SLC39A7: variants seen among roughly 807,000 people sequenced by gnomAD.
The protein encoded by SLC39A7 is solute carrier family 39 member 7, also known as zinc transporter SLC39A7.
A neutral mutation model predicts 39.7 loss-of-function variants in SLC39A7; 25 were observed. The ratio of observed to expected loss-of-function variants is 0.63; its 90% CI spans 0.46 to 0.88. The LOEUF is 0.88. Among genes scored for constraint, SLC39A7 ranks in the 40% least tolerant of loss-of-function variants. The pLI, the probability that SLC39A7 is intolerant of heterozygous loss-of-function variation, is 0.00. For synonymous variants in SLC39A7, 181 were observed against 234.1 expected, an observed-to-expected ratio of 0.77 and a Z score of 2.07; for missense variants, 501 against 592.1, an observed-to-expected ratio of 0.85 and a Z score of 1.60.
chr6:33,204,331 A>T lies in SLC39A7; in HGVS notation c.*518A>T. 1.4e-5 allele frequency: 6 copies of T among 417,720 alleles called. No individual in the cohort carries two copies. The highest frequency in any genetic ancestry group is 2.7e-5 in the Non-Finnish European group (6 of 223,806). 25.9% of individuals were successfully genotyped at this position (417,720 alleles called of 1,614,324 possible). The stretch of plus-strand genomic sequence containing the variant: ...ATGGGGTGGGAGAGGGTTAGTTGGT[A>T]TTCTCATGGCCTGATTTTTTTTGTT... On this transcript the variant is annotated 3_prime_UTR_variant, in exon 7 of 7. Coordinates refer to ENST00000374677, the MANE Select transcript of SLC39A7 (RefSeq NM_006979.3).
chr6:33,201,690 G>C lies in SLC39A7; in HGVS notation c.411+34G>C, dbSNP rs1215647656. On this transcript the variant is annotated intron_variant, in intron 1 of 6. Coordinates refer to ENST00000374677, the MANE Select transcript of SLC39A7 (RefSeq NM_006979.3). This position sits in a 1 kb window ranked among gnomAD's most constrained non-coding sequence, Gnocchi z 5.9. ...CCAGGGGATGGGAGAGAGAAGGGCT[G>C]GTTCTGGATTGTTGGGAAACTCCAC... 2 of 1,611,208 alleles carry C rather than the reference G, an allele frequency of 1.2e-6. No homozygotes were observed. The highest frequency in any genetic ancestry group is 2.7e-5 in the African/African-American group (2 of 74,824).
chr6:33,201,197 T>G lies in SLC39A7; in HGVS notation c.-49T>G. The G allele has an allele frequency of 6.4e-7, 1 of 1,551,114 alleles. No homozygotes were observed. Among genetic ancestry groups the G allele is most frequent in the Non-Finnish European group, 8.7e-7 (1 of 1,147,078 alleles). ...GAGTAAAGCGGACCCTGTGTAGGTATAGAGTTGAGTCAAGTGGAGTCACTG... is the reference window on the plus strand; with the variant it reads ...GAGTAAAGCGGACCCTGTGTAGGTAGAGAGTTGAGTCAAGTGGAGTCACTG... On this transcript the variant is annotated 5_prime_UTR_variant, in exon 1 of 7. Coordinates refer to ENST00000374677, the MANE Select transcript of SLC39A7 (RefSeq NM_006979.3). The surrounding 1 kb of genome is among the most constrained non-coding windows in gnomAD (Gnocchi z 5.9).
At chr6:33,203,135 C>G in intron 6 of SLC39A7, 29 bp downstream of exon 6, 1 of 1,543,450 alleles carries the variant, frequency 6.5e-7, no homozygotes, top group Non-Finnish European at 8.7e-7. Flanking sequence ...ACACAGCTGC[C>G]TCAAACCCTT....
At chr6:33,202,777 G>A in intron 5 of SLC39A7, 77 bp downstream of exon 5, 1 of 1,552,746 alleles carries the variant, frequency 6.4e-7, no homozygotes, top group Non-Finnish European at 8.7e-7. Flanking sequence ...TGTGGGTAAT[G>A]GCAGGTATCT....
At position 33,202,552 on chromosome 6, in the gene SLC39A7, TC is replaced by T. The variant is rs1774683922; in HGVS notation, c.800-5del. The stretch of plus-strand genomic sequence containing the variant: ...TCTCCACTCTGACCAACTCTTTTCT[TC>T]CCTCAGAGCGTTCTACCAAGGAGAA... On this transcript the variant is annotated splice_region_variant and splice_polypyrimidine_tract_variant and intron_variant, in intron 4 of 6. Coordinates refer to ENST00000374677, the MANE Select transcript of SLC39A7 (RefSeq NM_006979.3). The T allele has an allele frequency of 1.3e-6, 2 of 1,595,708 alleles. No individual in the cohort carries two copies. The highest frequency in any genetic ancestry group is 2.2e-5 in the East Asian group (1 of 44,798).
In SLC39A7 at chr6:33,203,676, G is replaced by C. The variant is rs1774795298; in HGVS notation, c.1273G>C (p.Gly425Arg). The C allele has an allele frequency of 1.9e-6, 3 of 1,614,136 alleles. No homozygotes were observed. Among genetic ancestry groups the C allele is most frequent in the Non-Finnish European group, 2.5e-6 (3 of 1,180,052 alleles). The change falls in exon 7 of 7, where the codon GGT becomes CGT. Residue 425 changes from glycine (G) to arginine (R), a missense_variant. Transcript: ENST00000374677. The part of the protein sequence containing the change: ...GPGWVLPFTA[G>R]GFIYVATVSV... The stretch of plus-strand genomic sequence containing the variant: ...TGGCTGGGTCCTGCCATTTACTGCA[G>C]GTGGCTTTATCTACGTAGCAACAGT...
chr6:33,201,661 G>C lies in SLC39A7; in HGVS notation c.411+5G>C. On this transcript the variant is annotated splice_donor_5th_base_variant and intron_variant, in intron 1 of 6. Transcript: ENST00000374677. This position sits in a 1 kb window ranked among gnomAD's most constrained non-coding sequence, Gnocchi z 5.9. The stretch of plus-strand genomic sequence containing the variant: ...GCTGTCACTCTCTGGGCTTATGTGA[G>C]TCTCCAGGGGATGGGAGAGAGAAGG... The C allele has an allele frequency of 6.2e-7, 1 of 1,610,386 alleles. No individual in the cohort carries two copies. The highest frequency in any genetic ancestry group is 8.5e-7 in the Non-Finnish European group (1 of 1,177,386).
At position 33,201,880 on chromosome 6, in the gene SLC39A7, G is replaced by A; in HGVS notation, c.547G>A (p.Asp183Asn). The change falls in exon 2 of 7, where the codon GAT (aspartate) becomes AAT (asparagine). Residue 183 changes from aspartate (D) to asparagine (N), a missense_variant. Asp to Asn is a conservative substitution (Grantham distance 23, BLOSUM62 1). Coordinates refer to ENST00000374677, the MANE Select transcript of SLC39A7 (RefSeq NM_006979.3). This position sits in a 1 kb window ranked among gnomAD's most constrained non-coding sequence, Gnocchi z 5.9. ...TTTTGCTTCCGGTGGGCTCCTGGGA[G>A]ATGCTTTCCTGCACCTCATTCCTCA... ...LSFASGGLLG[D>N]AFLHLIPHAL... 6.2e-7 allele frequency: 1 copy of A among 1,612,908 alleles called. No homozygotes were observed. Among genetic ancestry groups the A allele is most frequent in the African/African-American group, 1.3e-5 (1 of 75,016 alleles).
chr6:33,203,497 C>T, intron 6 of SLC39A7, 44 bp from the exon 7 acceptor site: 1 of 1,608,858 alleles, frequency 6.2e-7, no homozygotes, highest in Non-Finnish European at 8.5e-7. Context: ...CACTGATAAT[C>T]TTTAGCTATT....
Position 33,203,559 on chromosome 6 carries a change from C to T in SLC39A7, c.1156C>T (p.Leu386=). The T allele has an allele frequency of 1.9e-6, 3 of 1,614,242 alleles. No individual in the cohort carries two copies. The highest frequency in any genetic ancestry group is 2.5e-6 in the Non-Finnish European group (3 of 1,180,034). Residue 386 remains leucine, a synonymous_variant, in exon 7 of 7, where the codon CTG becomes TTG. Transcript: ENST00000374677. The part of the protein sequence containing the change: ...SKKQAMRLQL[L]TAVGALAGTA... ...CCATCAGGCGATGCGTCTGCAACTA[C>T]TGACAGCAGTAGGGGCACTGGCAGG...
At position 33,202,668 on chromosome 6, in the gene SLC39A7, C is replaced by A. The variant is rs202062254; in HGVS notation, c.908C>A (p.Pro303His). The A allele has an allele frequency of 5.0e-5, 81 of 1,604,098 alleles. 1 individual carries two copies. The highest frequency in any genetic ancestry group is 5.0e-4 in the Middle Eastern group (3 of 6,034). The stretch of plus-strand genomic sequence containing the variant: ...GTACCCAAAGATGGGCCAGTGAGAC[C>A]TCAGAACGCTGAAGAAGAAAAAAGA... Reference protein sequence around the residue: ...STVPKDGPVRPQNAEEEKRGL... With the variant: ...STVPKDGPVRHQNAEEEKRGL... The change falls in exon 5 of 7, where the codon CCT becomes CAT. Residue 303 changes from proline to histidine, a missense_variant. Pro to His is a moderately conservative substitution (Grantham distance 77). Coordinates refer to ENST00000374677, the MANE Select transcript of SLC39A7 (RefSeq NM_006979.3).
Position 33,204,069 on chromosome 6 carries a change from G to A in SLC39A7, c.*256G>A. 1 of 589,332 alleles carries A rather than the reference G, an allele frequency of 1.7e-6. No homozygotes were observed. Among genetic ancestry groups the A allele is most frequent in the Non-Finnish European group, 3.0e-6 (1 of 330,954 alleles). 36.5% of individuals were successfully genotyped at this position (589,332 alleles called of 1,614,324 possible). On this transcript the variant is annotated 3_prime_UTR_variant, in exon 7 of 7. Transcript: ENST00000374677. Reference sequence around the variant, plus strand: ...CATTTGGAAGGCTAAATGGGGCCATGAAGAAGGCTGGAAGGGACAGGGGGT... The same window carrying A: ...CATTTGGAAGGCTAAATGGGGCCATAAAGAAGGCTGGAAGGGACAGGGGGT...
intron 6 of SLC39A7, 45 bp downstream of exon 6, chr6:33,203,151 C>G (rs761705677): frequency 4.7e-6 from 7 of 1,484,490 alleles, no homozygotes; most frequent in South Asian, 3.9e-5. Context: ...CCCTTTATCT[C>G]TCCTCACTCA....
rs190778993 is a variant in SLC39A7, at chr6:33,203,404, T to G, written c.1138-137T>G. 6.6e-4 allele frequency: 602 copies of G among 909,730 alleles called. 5 individuals carry two copies. The African/African-American group carries it at 9.5e-3, about 14-fold the overall frequency. The allele number at this position is 909,730 out of a possible 1,614,324, so 56.4% of individuals were successfully genotyped here. On this transcript the variant is annotated intron_variant, in intron 6 of 6. Transcript: ENST00000374677. Reference sequence around the variant, plus strand: ...TTTTCAGAAATTGTCTATTCTAGACTGCTCCCTCTTCTCTTTTTATTTTGA... The same window carrying G: ...TTTTCAGAAATTGTCTATTCTAGACGGCTCCCTCTTCTCTTTTTATTTTGA...
chr6:33,202,796 C>G, intron 5 of SLC39A7, 96 bp downstream of exon 5: 2 of 1,551,234 alleles, frequency 1.3e-6, no homozygotes, highest in Middle Eastern at 1.7e-4. Flanking sequence ...CTGAGAAACA[C>G]TAAAGGACTG....
chr6:33,202,537 G>T (rs1583435870), intron 4 of SLC39A7, 23 bp from the exon 5 acceptor site: 1 of 1,593,646 alleles, frequency 6.3e-7, no homozygotes, highest in African/African-American at 1.4e-5. Flanking sequence ...TCTCCACTCT[G>T]ACCAACTCTT....
At position 33,203,680 on chromosome 6, in the gene SLC39A7, G is replaced by A. The variant is rs758481873; in HGVS notation, c.1277G>A (p.Gly426Asp). Residue 426 changes from glycine to aspartate, a missense_variant, in exon 7 of 7, where the codon GGC becomes GAC. Physicochemically the swap from Gly to Asp is moderately conservative, Grantham distance 94. Coordinates refer to ENST00000374677, the MANE Select transcript of SLC39A7 (RefSeq NM_006979.3). ...TGGGTCCTGCCATTTACTGCAGGTG[G>A]CTTTATCTACGTAGCAACAGTGTCT... is the stretch of plus-strand genomic sequence containing the variant. ...PGWVLPFTAG[G>D]FIYVATVSVL... 3 of 1,614,120 alleles carry A rather than the reference G, an allele frequency of 1.9e-6. No homozygotes were observed. Among genetic ancestry groups the A allele is most frequent in the Non-Finnish European group, 2.5e-6 (3 of 1,180,052 alleles).
intron 6 of SLC39A7, 89 bp from the exon 7 acceptor site, chr6:33,203,451 TC>T: frequency 7.7e-7 from 1 of 1,303,548 alleles, no homozygotes; most frequent in South Asian, 1.3e-5. Flanking sequence ...CAAATCCATG[TC>T]CCCTATACCT....
At position 33,204,343 on chromosome 6, in the gene SLC39A7, T is replaced by A; in HGVS notation, c.*530T>A. The stretch of plus-strand genomic sequence containing the variant: ...AGGGTTAGTTGGTATTCTCATGGCC[T>A]GATTTTTTTTGTTTCTATTCCTTTT... On this transcript the variant is annotated 3_prime_UTR_variant, in exon 7 of 7. Coordinates refer to ENST00000374677, the MANE Select transcript of SLC39A7 (RefSeq NM_006979.3). The A allele has an allele frequency of 1.8e-6, 1 of 558,732 alleles. No homozygotes were observed. The allele number at this position is 558,732 out of a possible 1,614,324, so 34.6% of individuals were successfully genotyped here. A position where few individuals can be genotyped will look rare whatever the true frequency, so the allele number is the denominator to read the frequency against.
Sources: gnomAD v4.1 joint callset for allele counts on GRCh38, gnomAD v4.1.1 for gene constraint, Gnocchi (gnomAD v3.1) non-coding constraint, MANE v1.5 for transcripts, NCBI Gene and HGNC (gene_info 2026-07-23, HGNC 2026-07-21) for gene names.